Variants in RASAL2 observed in about 807,000 individuals in gnomAD.
RASAL2 encodes the protein ras GTPase-activating protein nGAP.
Under a neutral mutation model 128.9 loss-of-function variants are expected in RASAL2, and 58 were observed. That is an observed-to-expected ratio of 0.45 (90% CI 0.36 to 0.56). The LOEUF (loss-of-function observed/expected upper bound fraction) is 0.56, where lower values mean the gene tolerates loss of function less well. Among genes scored for constraint, RASAL2 ranks in the 20% least tolerant of loss-of-function variants. The pLI is 0.00. For missense variants in RASAL2, 1,360 were observed against 1,601.6 expected (o/e 0.85, Z 2.57); for synonymous variants, 561 against 580.8 (o/e 0.97, Z 0.49).
At chr1:178,161,943 GATTT>G (rs1242275985) in intron 1 of RASAL2, among the ~76,000 whole-genome samples, 10 of 150,994 alleles carry the variant, frequency 6.6e-5, no homozygotes, top group South Asian at 2.1e-4. Flanking sequence ...TTTGATTGTT[GATTT>G]ATTTATTTAT....
At chr1:178,106,521 G>A (rs1159246997) in intron 1 of RASAL2, among the ~76,000 whole-genome samples, 2 of 152,192 alleles carry the variant, frequency 1.3e-5, no homozygotes, top group Non-Finnish European at 2.9e-5. Context: ...AAGATGGTCA[G>A]TACAGTAGCT....
intron 3 of RASAL2, among the ~76,000 whole-genome samples, chr1:178,318,079 C>T (rs1387295620): frequency 6.6e-6 from 1 of 151,994 alleles, no homozygotes; most frequent in African/African-American, 2.4e-5. Flanking sequence ...GCAGGTTGTT[C>T]AGTTTCCATG....
intron 14 of RASAL2, among the ~76,000 whole-genome samples, chr1:178,459,483 TC>T (rs1462566746): frequency 1.3e-5 from 2 of 152,178 alleles, no homozygotes; most frequent in African/African-American, 4.8e-5. Flanking sequence ...TTAAAAGAGT[TC>T]TATGACAAAT....
At chr1:178,248,266 T>C (rs1278000332) in intron 1 of RASAL2, among the ~76,000 whole-genome samples, 2 of 152,194 alleles carry the variant, frequency 1.3e-5, no homozygotes, top group Non-Finnish European at 2.9e-5. Context: ...TATTGACTGC[T>C]TATATATTTA....
intron 3 of RASAL2, among the ~76,000 whole-genome samples, chr1:178,368,020 T>C (rs192812911): frequency 6.6e-6 from 1 of 152,354 alleles, no homozygotes; most frequent in East Asian, 1.9e-4. Context: ...GTATTTTCTA[T>C]GGTTGTTTTT....
chr1:178,166,101 G>A (rs61813786), intron 1 of RASAL2, among the ~76,000 whole-genome samples: 5,747 of 152,104 alleles, frequency 0.038, 136 homozygotes, highest in Middle Eastern at 0.082. Flanking sequence ...GATTGTTTCC[G>A]GCTTCCTGAA....
chr1:178,394,967 G>A (rs965912820), intron 4 of RASAL2, among the ~76,000 whole-genome samples: 14 of 152,096 alleles, frequency 9.2e-5, no homozygotes, highest in East Asian at 5.8e-4. Flanking sequence ...CTTAAGTATC[G>A]AGATTATCAG....
intron 1 of RASAL2, among the ~76,000 whole-genome samples, chr1:178,169,129 T>C (rs985060179): frequency 6.6e-6 from 1 of 151,626 alleles, no homozygotes; most frequent in Admixed American, 6.6e-5. Context: ...CCTTTAAAAA[T>C]GTACCATTTG....
At chr1:178,366,579 T>TCCCTCC (rs1349184536) in intron 3 of RASAL2, among the ~76,000 whole-genome samples, 1 of 31,112 alleles carries the variant, frequency 3.2e-5, no homozygotes, top group Admixed American at 4.2e-4. Flanking sequence ...ACTTGGTACC[T>TCCCTCC]CCCACCCCCC....
chr1:178,159,198 G>C (rs1413427264), intron 1 of RASAL2, among the ~76,000 whole-genome samples: 1 of 152,168 alleles, frequency 6.6e-6, no homozygotes, highest in African/African-American at 2.4e-5. Context: ...GTGTCATACT[G>C]CTTAGCTTGG....
chr1:178,417,268 C>T (rs1276534255), intron 4 of RASAL2, among the ~76,000 whole-genome samples: 3 of 151,956 alleles, frequency 2.0e-5, no homozygotes, highest in African/African-American at 7.3e-5. Context: ...TTTCCTCAGC[C>T]ATGTCCAGTC....
intron 2 of RASAL2, 119 bp downstream of exon 2, chr1:178,283,810 A>T (rs1391392634): frequency 1.5e-5 from 19 of 1,251,260 alleles, no homozygotes; most frequent in Non-Finnish European, 2.0e-5. Flanking sequence ...TGATGAAGAT[A>T]TAGGTAAGTC....
At chr1:178,351,407 A>G (rs942068686) in intron 3 of RASAL2, among the ~76,000 whole-genome samples, 8 of 152,200 alleles carry the variant, frequency 5.3e-5, no homozygotes, top group African/African-American at 1.9e-4. Context: ...CCTTTTGCCT[A>G]TGAGCCTGTA....
chr1:178,159,785 T>G (rs1473018852), intron 1 of RASAL2, among the ~76,000 whole-genome samples: 1 of 151,742 alleles, frequency 6.6e-6, no homozygotes, highest in Non-Finnish European at 1.5e-5. Context: ...AAAAGTTGAT[T>G]ATCCCAGCTA....
At chr1:178,153,326 A>G (rs1430089793) in intron 1 of RASAL2, among the ~76,000 whole-genome samples, 7 of 152,148 alleles carry the variant, frequency 4.6e-5, no homozygotes, top group African/African-American at 1.4e-4. Flanking sequence ...TTGAGGTGAA[A>G]TGTGCATAAT....
At chr1:178,216,754 C>T (rs544459647) in intron 1 of RASAL2, among the ~76,000 whole-genome samples, 1 of 152,236 alleles carries the variant, frequency 6.6e-6, no homozygotes, top group Non-Finnish European at 1.5e-5. Flanking sequence ...ATTCTCCTGC[C>T]TCAGCCTCCT....
chr1:178,237,124 G>A lies in RASAL2; in HGVS notation c.203-46440G>A, dbSNP rs1664288001. Among the ~76,000 whole-genome samples, 4 of 152,046 alleles carry A rather than the reference G, an allele frequency of 2.6e-5. No homozygotes were observed. The South Asian group carries it at 6.2e-4, about 24-fold the overall frequency. On this transcript the variant is annotated intron_variant, in intron 1 of 17. Coordinates refer to ENST00000367649, the MANE Select transcript of RASAL2 (RefSeq NM_170692.4). ...ATCCTCCGAATAATCCTGCGAGGGA[G>A]TGTTATTCTCATTTTAAAAGTAAGG...
At chr1:178,336,511 A>AG (rs950858881) in intron 3 of RASAL2, among the ~76,000 whole-genome samples, 10 of 152,142 alleles carry the variant, frequency 6.6e-5, no homozygotes, top group Non-Finnish European at 1.3e-4. Flanking sequence ...GCATTATATG[A>AG]GAAAAATGGA....
At chr1:178,159,657 G>A (rs868816611) in intron 1 of RASAL2, among the ~76,000 whole-genome samples, 3 of 151,996 alleles carry the variant, frequency 2.0e-5, no homozygotes, top group East Asian at 1.9e-4. Context: ...GGCCGGGTGC[G>A]GTGACTCATG....
Sources: gnomAD v4.1 joint callset for allele counts (sites outside exome capture counted in the v4.1 genomes callset) on GRCh38, gnomAD v4.1.1 for gene constraint, MANE v1.5 for transcripts, NCBI Gene and HGNC (gene_info 2026-07-23, HGNC 2026-07-21) for gene names.